The following GAD2 variants were observed in gnomAD, a reference collection of about 807,000 sequenced individuals.
GAD2 encodes glutamate decarboxylase 2.
GAD2 carries 22 observed loss-of-function variants against 80.1 expected under a neutral mutation model. The ratio of observed to expected loss-of-function variants is 0.27; its 90% CI spans 0.20 to 0.39. GAD2 has a LOEUF of 0.39. Ranked by LOEUF, GAD2 falls within the 10% of genes least tolerant of loss-of-function variation. The pLI, the probability that GAD2 is intolerant of heterozygous loss-of-function variation, is 1.00. For synonymous variants in GAD2, 274 were observed against 256.9 expected (o/e 1.07, Z -0.64); for missense variants, 624 against 738.4 (o/e 0.85, Z 1.80).
At chr10:26,263,555 A>G (rs977776967) in intron 8 of GAD2, among the ~76,000 whole-genome samples, 5 of 152,174 alleles carry the variant, frequency 3.3e-5, no homozygotes, top group African/African-American at 1.2e-4. Context: ...CATCTTCAAC[A>G]ATTTTTTCCC....
intron 12 of GAD2, among the ~76,000 whole-genome samples, chr10:26,285,074 TCAC>T (rs1845316836): frequency 6.6e-6 from 1 of 152,230 alleles, no homozygotes; most frequent in Non-Finnish European, 1.5e-5. Context: ...TTGCAAATTT[TCAC>T]CTTATTGGTC....
At chr10:26,218,042 C>G in intron 3 of GAD2, 51 bp downstream of exon 3, 1 of 1,521,624 alleles carries the variant, frequency 6.6e-7, no homozygotes, top group African/African-American at 1.4e-5. Context: ...CTCTCTGCCC[C>G]GCCCACCGCG....
rs566865961 is a variant in GAD2, at chr10:26,228,537, C to T, written c.725-1125C>T. Among the ~76,000 whole-genome samples, 12 of 152,292 alleles carry T rather than the reference C, an allele frequency of 7.9e-5. No individual in the cohort carries two copies. In the East Asian group the frequency reaches 2.1e-3, roughly 27 times the overall value. ...TATCCTTTATAACAGGGGTCCCCAA[C>T]CCCCTGGTGGTGGATCGGTACAGGT... On this transcript the variant is annotated intron_variant, in intron 6 of 15. Coordinates refer to ENST00000376261, the MANE Select transcript of GAD2 (RefSeq NM_001134366.2).
At chr10:26,259,001 A>T (rs1046592712) in intron 8 of GAD2, among the ~76,000 whole-genome samples, 1 of 152,114 alleles carries the variant, frequency 6.6e-6, no homozygotes, top group Admixed American at 6.5e-5. Flanking sequence ...TATTTTTAGT[A>T]GAGACAGGGT....
At position 26,286,387 on chromosome 10, in the gene GAD2, T is replaced by C; in HGVS notation, c.1279T>C (p.Phe427Leu). ...CAACCAAATGCATGCCTCCTACCTC[T>C]TTCAGCAAGATAAACATTATGACCT... ...NCNQMHASYL[F>L]QQDKHYDLSY... is the part of the protein sequence containing the mutation. Residue 427 changes from phenylalanine (F) to leucine (L), a missense_variant, in exon 13 of 16, where the codon TTT becomes CTT. Coordinates refer to ENST00000376261, the MANE Select transcript of GAD2 (RefSeq NM_001134366.2). 1 of 1,613,980 alleles carries C rather than the reference T, an allele frequency of 6.2e-7. No individual in the cohort carries two copies. The highest frequency in any genetic ancestry group is 8.5e-7 in the Non-Finnish European group (1 of 1,179,904).
rs1450703290 is a variant in GAD2 at position 26,246,018 on chromosome 10, A to G, written c.920+18A>G. 2 of 1,610,008 alleles carry G rather than the reference A, an allele frequency of 1.2e-6. No homozygotes were observed. Among genetic ancestry groups the G allele is most frequent in the South Asian group, 2.2e-5 (2 of 90,658 alleles). On this transcript the variant is annotated intron_variant, in intron 8 of 15. Coordinates refer to ENST00000376261, the MANE Select transcript of GAD2 (RefSeq NM_001134366.2). ...GATGAGAGGTGAGCACGCATCGGCA[A>G]CTCTTGTTGGTTAGCAATTTGCAAA...
intron 6 of GAD2, among the ~76,000 whole-genome samples, chr10:26,228,536 A>G (rs1434057081): frequency 2.0e-5 from 3 of 152,102 alleles, no homozygotes; most frequent in African/African-American, 7.2e-5. Flanking sequence ...GGGGTCCCCA[A>G]CCCCCTGGTG....
At chr10:26,224,187 CAA>C (rs3831349) in intron 5 of GAD2, among the ~76,000 whole-genome samples, 9,274 of 152,022 alleles carry the variant, frequency 0.061, 360 homozygotes, top group Non-Finnish European at 0.085. Flanking sequence ...TTTTAAAATA[CAA>C]AAGAGACTTT....
intron 6 of GAD2, among the ~76,000 whole-genome samples, chr10:26,225,492 T>C (rs1185524270): frequency 6.6e-6 from 1 of 152,066 alleles, no homozygotes; most frequent in Non-Finnish European, 1.5e-5. Flanking sequence ...GGAGCGGATG[T>C]CATTAGTCCA....
chr10:26,222,913 C>G (rs776167731), intron 4 of GAD2, among the ~76,000 whole-genome samples: 5 of 152,220 alleles, frequency 3.3e-5, no homozygotes, highest in Non-Finnish European at 7.3e-5. Context: ...TTATCAGATG[C>G]TATTTCCACA....
At chr10:26,231,032 G>T (rs951361611) in intron 7 of GAD2, among the ~76,000 whole-genome samples, 2 of 152,182 alleles carry the variant, frequency 1.3e-5, no homozygotes, top group Non-Finnish European at 2.9e-5. Context: ...AAAGGTTGCA[G>T]TGAGAAGAGA....
At chr10:26,284,229 G>A (rs1589152540) in intron 12 of GAD2, among the ~76,000 whole-genome samples, 1 of 152,158 alleles carries the variant, frequency 6.6e-6, no homozygotes, top group East Asian at 1.9e-4. Context: ...AGAGTTCTCA[G>A]TTTTAAAAAG....
intron 8 of GAD2, among the ~76,000 whole-genome samples, chr10:26,268,720 A>G (rs1845100110): frequency 6.6e-6 from 1 of 152,186 alleles, no homozygotes; most frequent in Non-Finnish European, 1.5e-5. Context: ...TTTCATTGGT[A>G]TGTGAAATTG....
chr10:26,225,388 A>C (rs1844508284), intron 6 of GAD2, among the ~76,000 whole-genome samples: 1 of 152,210 alleles, frequency 6.6e-6, no homozygotes, highest in African/African-American at 2.4e-5. Flanking sequence ...GGTTTGATGC[A>C]GAAAAGAAAT....
intron 11 of GAD2, among the ~76,000 whole-genome samples, chr10:26,278,896 C>T (rs2132310789): frequency 6.6e-6 from 1 of 151,910 alleles, no homozygotes; most frequent in Middle Eastern, 3.4e-3. Flanking sequence ...ATGAATGAAT[C>T]GGGTCTTTCC....
intron 11 of GAD2, among the ~76,000 whole-genome samples, chr10:26,277,527 C>T (rs11015025): frequency 0.077 from 11,720 of 152,240 alleles, 634 homozygotes; most frequent in East Asian, 0.23. Context: ...TGTGTTCTGG[C>T]ATTAACTCTG....
chr10:26,237,043 CAG>C (rs1844680705), intron 7 of GAD2, among the ~76,000 whole-genome samples: 1 of 152,212 alleles, frequency 6.6e-6, no homozygotes, highest in African/African-American at 2.4e-5. Flanking sequence ...AGCCACTGTG[CAG>C]AGAGATGCTT....
At chr10:26,288,007 C>T (rs756387941) in intron 13 of GAD2, among the ~76,000 whole-genome samples, 4 of 152,144 alleles carry the variant, frequency 2.6e-5, no homozygotes, top group Non-Finnish European at 4.4e-5. Flanking sequence ...AAGGTAGGAA[C>T]CATGTCCACG....
Position 26,292,888 on chromosome 10 carries a change from T to G in GAD2, c.1495-14T>G. On this transcript the variant is annotated splice_polypyrimidine_tract_variant and intron_variant, in intron 14 of 15. Transcript: ENST00000376261. The stretch of plus-strand genomic sequence containing the variant: ...AGCCTGGGCCAAATGTGAATCTTCC[T>G]TTCCTCTTTGTAGCCTCAGCACACA... 1 of 1,610,386 alleles carries G rather than the reference T, an allele frequency of 6.2e-7. No homozygotes were observed. The highest frequency in any genetic ancestry group is 1.7e-4 in the Middle Eastern group (1 of 6,044).
Sources: gnomAD v4.1 joint callset for allele counts (sites outside exome capture counted in the v4.1 genomes callset) on GRCh38, gnomAD v4.1.1 for gene constraint, MANE v1.5 for transcripts, NCBI Gene and HGNC (gene_info 2026-07-23, HGNC 2026-07-21) for gene names.